DIAPH1: variants seen among roughly 807,000 people sequenced by gnomAD.
The protein encoded by DIAPH1 is diaphanous related formin 1, also known as protein diaphanous homolog 1.
A neutral mutation model predicts 140.7 loss-of-function variants in DIAPH1; 46 were observed. The observed-to-expected ratio is 0.33, with a 90% confidence interval of 0.26 to 0.42. The LOEUF (loss-of-function observed/expected upper bound fraction) is 0.42, where lower values mean the gene tolerates loss of function less well. Among genes scored for constraint, DIAPH1 ranks in the 10% least tolerant of loss-of-function variants. The pLI is 1.00. For missense variants in DIAPH1, 1,310 were observed against 1,558.7 expected (o/e 0.84, Z 2.69); for synonymous variants, 565 against 551.6 (o/e 1.02, Z -0.34).
At chr5:141,588,493 A>G (rs1014417440) in intron 1 of DIAPH1, among the ~76,000 whole-genome samples, 2 of 152,048 alleles carry the variant, frequency 1.3e-5, no homozygotes, top group Non-Finnish European at 2.9e-5. Flanking sequence ...AAAAAAAAGA[A>G]GATGATGCAG....
chr5:141,537,578 C>G (rs897019204), intron 18 of DIAPH1, among the ~76,000 whole-genome samples: 1 of 143,860 alleles, frequency 7.0e-6, no homozygotes, highest in Admixed American at 7.0e-5. Flanking sequence ...CAAGGAAGAA[C>G]TACAAGAATT....
chr5:141,535,227 G>A (rs1321860112), intron 18 of DIAPH1, among the ~76,000 whole-genome samples: 1 of 152,274 alleles, frequency 6.6e-6, no homozygotes, highest in African/African-American at 2.4e-5. Flanking sequence ...TAGGAGTACA[G>A]GCATGAGCCA....
In DIAPH1 at chr5:141,580,782, C is replaced by T. The variant is rs768538266; in HGVS notation, c.786G>A (p.Leu262=). Residue 262 remains leucine (L), a synonymous_variant, in exon 8 of 28, where the codon CTG becomes CTA. Transcript: ENST00000389054. ...VPNMMIDAAK[L]LSALCILPQP... ...GCGGTAGAATACAAAGAGCAGAAAG[C>T]AGCTTAGCTGCATCAATCATCATGT... 5 of 1,614,184 alleles carry T rather than the reference C, an allele frequency of 3.1e-6. No homozygotes were observed. Among genetic ancestry groups the T allele is most frequent in the Non-Finnish European group, 4.2e-6 (5 of 1,180,024 alleles).
chr5:141,546,408 A>G (rs898130094), intron 18 of DIAPH1, among the ~76,000 whole-genome samples: 1 of 152,136 alleles, frequency 6.6e-6, no homozygotes, highest in African/African-American at 2.4e-5. Context: ...CTGTAATCAC[A>G]GCACTTTAGG....
intron 18 of DIAPH1, chr5:141,564,466 A>T (rs1161560373): frequency 6.6e-6 from 1 of 152,262 alleles, no homozygotes; most frequent in Non-Finnish European, 1.5e-5. Flanking sequence ...GTTGAGAAGA[A>T]AATTAAAACT....
Position 141,573,653 on chromosome 5 carries a change from G to A in DIAPH1, c.2197C>T (p.Pro733Ser). 1 of 1,612,772 alleles carries A rather than the reference G, an allele frequency of 6.2e-7. No individual in the cohort carries two copies. Reference sequence around the variant, plus strand: ...GGTGGAGGAATGCCAGGGCCTCCGGGAAATGGAGGAGGTGGAGGGATTCCA... The same window carrying A: ...GGTGGAGGAATGCCAGGGCCTCCGGAAAATGGAGGAGGTGGAGGGATTCCA... ...GPGIPPPPPF[P>S]GGPGIPPPPP... The change falls in exon 16 of 28, where the codon CCC becomes TCC. Residue 733 changes from proline (P) to serine (S), a missense_variant. Around this residue, in one of 3 missense-constraint regions of DIAPH1, gnomAD observed 589 missense variants for 549.3 expected, o/e 1.07. Transcript: ENST00000389054.
chr5:141,548,097 G>A (rs953117278), intron 18 of DIAPH1, among the ~76,000 whole-genome samples: 3 of 152,058 alleles, frequency 2.0e-5, no homozygotes, highest in Non-Finnish European at 4.4e-5. Context: ...TTCTCAGGAA[G>A]CTGAGGTAGG....
At chr5:141,529,977 G>T (rs1003003552) in intron 19 of DIAPH1, among the ~76,000 whole-genome samples, 1 of 152,116 alleles carries the variant, frequency 6.6e-6, no homozygotes, top group Non-Finnish European at 1.5e-5. Context: ...CCAGCTGCTC[G>T]GCAGGCTGAG....
chr5:141,572,097 C>A, intron 16 of DIAPH1, 57 bp from the exon 17 acceptor site: 1 of 1,260,908 alleles, frequency 7.9e-7, no homozygotes, highest in Non-Finnish European at 1.2e-6. Flanking sequence ...ACTTTCCGTC[C>A]TAGAAAACGG....
chr5:141,544,084 A>G (rs1018195954), intron 18 of DIAPH1, among the ~76,000 whole-genome samples: 8 of 151,852 alleles, frequency 5.3e-5, no homozygotes, highest in African/African-American at 1.9e-4. Flanking sequence ...GCTGAGGCAG[A>G]CAGATCACAA....
chr5:141,607,837 T>TC (rs2099901207), intron 1 of DIAPH1, among the ~76,000 whole-genome samples: 1 of 152,020 alleles, frequency 6.6e-6, no homozygotes, highest in Non-Finnish European at 1.5e-5. Context: ...CCCAGTCATA[T>TC]CCCCCATCTT....
Position 141,539,244 on chromosome 5 carries a change from T to C in DIAPH1, c.2483-4811A>G, listed in dbSNP as rs549784455. The stretch of plus-strand genomic sequence containing the variant: ...GTGAGTGGAGATTGCCCCAGTGCAC[T>C]CCAGCCTGGGCAACAGAGCAAGACC... On this transcript the variant is annotated intron_variant, in intron 18 of 27. Transcript: ENST00000389054. Among the ~76,000 whole-genome samples, 16 of 151,438 alleles carry C rather than the reference T, an allele frequency of 1.1e-4. No homozygotes were observed. In the East Asian group the frequency reaches 2.9e-3, roughly 28 times the overall value.
intron 19 of DIAPH1, 74 bp from the exon 20 acceptor site, chr5:141,529,771 G>C (rs1380038229): frequency 1.5e-6 from 2 of 1,328,640 alleles, no homozygotes; most frequent in Non-Finnish European, 2.2e-6. Context: ...GCAAACCTAT[G>C]CTGGATAATC....
chr5:141,601,797 A>C (rs948207887), intron 1 of DIAPH1, among the ~76,000 whole-genome samples: 7 of 152,220 alleles, frequency 4.6e-5, no homozygotes, highest in African/African-American at 1.7e-4. Flanking sequence ...TGAGAAAAGT[A>C]AGGAAAAGTT....
In DIAPH1 at chr5:141,578,292, C is replaced by G. The variant is rs1264517616; in HGVS notation, c.1096G>C (p.Asp366His). Residue 366 changes from aspartate to histidine, a missense_variant, in exon 11 of 28, where the codon GAT (aspartate) becomes CAT (histidine). Asp to His is a moderately conservative substitution (Grantham distance 81, BLOSUM62 -1). Coordinates refer to ENST00000389054, the MANE Select transcript of DIAPH1 (RefSeq NM_005219.5). Reference protein sequence around the residue: ...EDMRVQLNVFDEQGEEDSYDL... With the variant: ...EDMRVQLNVFHEQGEEDSYDL... Reference sequence around the variant, plus strand: ...TAGGAATCCTCTTCCCCTTGTTCATCAAACACATTTAGTTGCACTCTCATA... The same window carrying G: ...TAGGAATCCTCTTCCCCTTGTTCATGAAACACATTTAGTTGCACTCTCATA... The G allele has an allele frequency of 6.2e-7, 1 of 1,614,184 alleles. No homozygotes were observed. Among genetic ancestry groups the G allele is most frequent in the Non-Finnish European group, 8.5e-7 (1 of 1,180,012 alleles).
intron 1 of DIAPH1, among the ~76,000 whole-genome samples, chr5:141,589,583 T>G (rs1163012949): frequency 7.0e-6 from 1 of 142,496 alleles, no homozygotes; most frequent in African/African-American, 2.6e-5. Flanking sequence ...TTATTTGGTA[T>G]GTAAAATTAT....
At chr5:141,610,483 T>A (rs1433516582) in intron 1 of DIAPH1, among the ~76,000 whole-genome samples, 1 of 152,150 alleles carries the variant, frequency 6.6e-6, no homozygotes, top group Non-Finnish European at 1.5e-5. Flanking sequence ...GTATTTTTAG[T>A]AGAGACGGGG....
At chr5:141,524,523 T>C (rs1376283325) in intron 26 of DIAPH1, 14 of 452,714 alleles carry the variant, frequency 3.1e-5, no homozygotes, top group South Asian at 1.2e-4. Flanking sequence ...AACAAAATTA[T>C]ACAACTGCCC....
At chr5:141,559,971 TTC>T (rs1596366517) in intron 18 of DIAPH1, among the ~76,000 whole-genome samples, 4 of 152,178 alleles carry the variant, frequency 2.6e-5, no homozygotes, top group Admixed American at 2.6e-4. Flanking sequence ...TCGTGACCAA[TTC>T]TGTTTCATCT....
Sources: gnomAD v4.1 joint callset for allele counts (sites outside exome capture counted in the v4.1 genomes callset) on GRCh38, gnomAD v4.1.1 for gene constraint, gnomAD v4.1.1 regional missense constraint, MANE v1.5 for transcripts, NCBI Gene and HGNC (gene_info 2026-07-23, HGNC 2026-07-21) for gene names.